The following TENM1 variants were observed in gnomAD, a reference collection of about 807,000 sequenced individuals.
TENM1 encodes the protein teneurin-1.
Under a neutral mutation model 174.8 loss-of-function variants are expected in TENM1, and 35 were observed. The observed-to-expected ratio is 0.20, with a 90% confidence interval of 0.15 to 0.27. The LOEUF is 0.27. TENM1 is among the 10% of genes least tolerant of loss of function. TENM1 has a pLI of 1.00. For synonymous variants in TENM1, 781 were observed against 798.7 expected, an observed-to-expected ratio of 0.98 and a Z score of 0.37; for missense variants, 1,633 against 2,130.1, an observed-to-expected ratio of 0.77 and a Z score of 4.59.
At chrX:124,892,842 TA>T (rs1464119025) in intron 3 of TENM1, among the ~76,000 whole-genome samples, 5 of 112,230 alleles carry the variant, frequency 4.5e-5, no homozygotes, top group Admixed American at 9.5e-5. Flanking sequence ...AACATATACA[TA>T]AAAAATATTC....
intron 1 of TENM1, among the ~76,000 whole-genome samples, chrX:124,949,349 C>T (rs1377189225): frequency 9.0e-6 from 1 of 111,725 alleles, no homozygotes; most frequent in Non-Finnish European, 1.9e-5. Context: ...AAAGTTATCT[C>T]ATTATAAGAA....
intron 11 of TENM1, among the ~76,000 whole-genome samples, chrX:124,569,224 C>T (rs1364760417): frequency 1.2e-5 from 1 of 85,921 alleles, no homozygotes; most frequent in East Asian, 3.7e-4. Flanking sequence ...AAACAAAACC[C>T]AACACTGAAG....
intron 22 of TENM1, among the ~76,000 whole-genome samples, chrX:124,455,752 T>A (rs1449347693): frequency 1.2e-4 from 13 of 111,598 alleles, no homozygotes; most frequent in African/African-American, 4.2e-4. Flanking sequence ...AGAGGAATAC[T>A]CTGGAACTTT....
At chrX:124,647,755 T>TTTG (rs1569364318) in intron 8 of TENM1, among the ~76,000 whole-genome samples, 16 of 98,509 alleles carry the variant, frequency 1.6e-4, no homozygotes, top group African/African-American at 6.6e-4. Context: ...GTGTGTGTGT[T>TTTG]TGTGTGTGTG....
intron 3 of TENM1, among the ~76,000 whole-genome samples, chrX:124,882,590 C>T (rs1449510789): frequency 1.8e-5 from 2 of 112,119 alleles, no homozygotes; most frequent in East Asian, 2.8e-4. Flanking sequence ...AGAATTGTTA[C>T]ATAATTCTCG....
chrX:125,191,503 T>C, the TENM1 span, among the ~76,000 whole-genome samples: 4 of 111,752 alleles, frequency 3.6e-5, no homozygotes, highest in Admixed American at 2.9e-4. Context: ...ATAAAGTTCA[T>C]TACATAGGAT....
At chrX:125,026,406 T>C in the TENM1 span, among the ~76,000 whole-genome samples, 40 of 111,765 alleles carry the variant, frequency 3.6e-4, no homozygotes, top group East Asian at 9.6e-3. Flanking sequence ...ACAAATGAAA[T>C]GTATAATCAA....
the TENM1 span, among the ~76,000 whole-genome samples, chrX:125,050,935 A>C: frequency 8.9e-6 from 1 of 112,244 alleles, no homozygotes; most frequent in Admixed American, 9.4e-5. Context: ...ACATGATTGT[A>C]TATTTAGAAA....
chrX:125,168,089 T>A, the TENM1 span, among the ~76,000 whole-genome samples: 1 of 111,850 alleles, frequency 8.9e-6, no homozygotes, highest in Non-Finnish European at 1.9e-5. Context: ...AAGGAACTCA[T>A]AGCTATGAGT....
At chrX:124,896,334 T>C (rs2057562118) in intron 1 of TENM1, 93 bp from the exon 5 acceptor site, 1 of 938,671 alleles carries the variant, frequency 1.1e-6, no homozygotes, top group Non-Finnish European at 1.5e-6. Flanking sequence ...CTCTCCCCCA[T>C]TGGTAGTAAT....
chrX:124,468,014 C>A (rs1325562176), intron 22 of TENM1, among the ~76,000 whole-genome samples: 1 of 110,527 alleles, frequency 9.0e-6, no homozygotes, highest in Non-Finnish European at 1.9e-5. Flanking sequence ...CTGCCTCAGC[C>A]TCCCAAAGTG....
At chrX:124,826,502 A>G (rs1344280848) in intron 3 of TENM1, among the ~76,000 whole-genome samples, 3 of 111,623 alleles carry the variant, frequency 2.7e-5, no homozygotes, top group Non-Finnish European at 3.8e-5. Flanking sequence ...ATGAGCCATA[A>G]TAGAGTCATT....
chrX:124,572,574 A>C (rs1197281105), intron 11 of TENM1, among the ~76,000 whole-genome samples: 2 of 111,215 alleles, frequency 1.8e-5, no homozygotes, highest in African/African-American at 3.3e-5. Flanking sequence ...TGTATTGGAA[A>C]TCTTAGTCAG....
the TENM1 span, among the ~76,000 whole-genome samples, chrX:125,038,709 C>T: frequency 1.8e-5 from 2 of 110,856 alleles, no homozygotes; most frequent in Non-Finnish European, 3.8e-5. Flanking sequence ...TGTCATTTTT[C>T]AATTTATTTT....
the TENM1 span, among the ~76,000 whole-genome samples, chrX:124,996,057 C>T: frequency 9.0e-6 from 1 of 111,095 alleles, no homozygotes; most frequent in Non-Finnish European, 1.9e-5. Context: ...TTATGAAATG[C>T]TCTTCTGGAA....
At chrX:124,418,649 A>G (rs970041324) in intron 25 of TENM1, among the ~76,000 whole-genome samples, 1 of 111,814 alleles carries the variant, frequency 8.9e-6, no homozygotes, top group African/African-American at 3.2e-5. Context: ...AGAACATTGT[A>G]TGGTATGTAG....
chrX:124,724,050 G>A (rs1477889138), intron 4 of TENM1, among the ~76,000 whole-genome samples: 1 of 112,142 alleles, frequency 8.9e-6, no homozygotes, highest in Non-Finnish European at 1.9e-5. Context: ...GCAAGTAGTA[G>A]GAGAATATTT....
intron 3 of TENM1, among the ~76,000 whole-genome samples, chrX:124,861,006 T>C (rs2056902078): frequency 8.9e-6 from 1 of 111,751 alleles, no homozygotes; most frequent in South Asian, 3.7e-4. Flanking sequence ...TAGTTTGATA[T>C]ACAAATGACA....
the TENM1 span, among the ~76,000 whole-genome samples, chrX:124,977,415 T>C: frequency 8.9e-6 from 1 of 111,734 alleles, no homozygotes; most frequent in African/African-American, 3.2e-5. Flanking sequence ...CTTGTTGCTT[T>C]GTTTTTGTTG....
Sources: gnomAD v4.1 joint callset for allele counts (sites outside exome capture counted in the v4.1 genomes callset) on GRCh38, gnomAD v4.1.1 for gene constraint, MANE v1.5 for transcripts, NCBI Gene and HGNC (gene_info 2026-07-23, HGNC 2026-07-21) for gene names.